RASIP1: variants seen among roughly 807,000 people sequenced by gnomAD.
RASIP1 encodes Ras interacting protein 1, also known as ras-interacting protein 1.
RASIP1 carries 20 observed loss-of-function variants against 85.3 expected under a neutral mutation model. That is an observed-to-expected ratio of 0.23 (90% CI 0.17 to 0.34). The LOEUF is 0.34. RASIP1 is among the 10% of genes least tolerant of loss of function. The pLI is 1.00. For missense variants in RASIP1, 1,170 were observed against 1,390.9 expected (o/e 0.84, Z 2.53); for synonymous variants, 617 against 647.1 (o/e 0.95, Z 0.71).
chr19:48,731,532 C>T (rs1234400614), intron 4 of RASIP1, among the ~76,000 whole-genome samples: 1 of 152,160 alleles, frequency 6.6e-6, no homozygotes, highest in Non-Finnish European at 1.5e-5. Flanking sequence ...AGTGTTCCAT[C>T]TCATTTATCA....
Position 48,735,466 on chromosome 19 carries a change from C to A in RASIP1, c.909G>T (p.Gly303=), listed in dbSNP as rs1292819704. The change falls in exon 4 of 12, where the codon GGG becomes GGT. Residue 303 remains glycine, a synonymous_variant. Coordinates refer to ENST00000222145, the MANE Select transcript of RASIP1 (RefSeq NM_017805.3). ...GGAALASPGP[G]TGSGAPAGSG... Reference sequence around the variant, plus strand: ...ACCCAGCTGGGGCCCCTGATCCGGTCCCCGGGCCAGGACTGGCCAGCGCTG... The same window carrying A: ...ACCCAGCTGGGGCCCCTGATCCGGTACCCGGGCCAGGACTGGCCAGCGCTG... 6.3e-7 allele frequency: 1 copy of A among 1,582,730 alleles called. No individual in the cohort carries two copies. Among genetic ancestry groups the A allele is most frequent in the Non-Finnish European group, 8.6e-7 (1 of 1,164,928 alleles).
chr19:48,727,476 G>T (rs368430008), intron 5 of RASIP1, 46 bp from the exon 6 acceptor site: 1 of 1,589,482 alleles, frequency 6.3e-7, no homozygotes, highest in Non-Finnish European at 8.6e-7. Context: ...GATCCACTGA[G>T]GGGCTTAAGA....
At chr19:48,731,805 C>T (rs957355588) in intron 4 of RASIP1, among the ~76,000 whole-genome samples, 6 of 152,190 alleles carry the variant, frequency 3.9e-5, no homozygotes, top group Non-Finnish European at 8.8e-5. Context: ...TCCAGTCTTA[C>T]CACCTTCTGA....
At chr19:48,727,301 T>C in intron 6 of RASIP1, 92 bp downstream of exon 6, 3 of 1,548,958 alleles carry the variant, frequency 1.9e-6, no homozygotes, top group African/African-American at 1.4e-5. Context: ...AGCAGAAACT[T>C]GCACTGGGGC....
chr19:48,724,357 G>T lies in RASIP1; in HGVS notation c.2524C>A (p.Pro842Thr). The T allele has an allele frequency of 6.2e-7, 1 of 1,614,116 alleles. No homozygotes were observed. Among genetic ancestry groups the T allele is most frequent in the Non-Finnish European group, 8.5e-7 (1 of 1,180,008 alleles). ...LSMAVNLLCV[P>T]RTSLLKASWS... ...GTCACCTTGAGCAGGGAAGTGCGGG[G>T]CACACAGAGCAGGTTCACAGCCATG... Residue 842 changes from proline to threonine, a missense_variant, in exon 10 of 12, where the codon CCC (proline) becomes ACC (threonine). Around this residue, in one of 4 missense-constraint regions of RASIP1, gnomAD observed 426 missense variants for 576.2 expected, o/e 0.74. Coordinates refer to ENST00000222145, the MANE Select transcript of RASIP1 (RefSeq NM_017805.3). This position sits in a 1 kb window ranked among gnomAD's most constrained non-coding sequence, Gnocchi z 4.6.
Position 48,729,351 on chromosome 19 carries a change from C to T in RASIP1, c.1419G>A (p.Pro473=), listed in dbSNP as rs553435937. The change falls in exon 5 of 12, where the codon CCG becomes CCA. Residue 473 remains proline (P), a synonymous_variant. Coordinates refer to ENST00000222145, the MANE Select transcript of RASIP1 (RefSeq NM_017805.3). ...GCTCGCCCAGCCCCAGGAGGTCGCC[C>T]GGGTGCAGCTCAGCCTCCCGCAGCA... ...CLLLREAELH[P]GDLLGLGEHF... is the part of the protein sequence containing the mutation. The T allele has an allele frequency of 3.0e-4, 473 of 1,559,874 alleles. No homozygotes were observed. The highest frequency in any genetic ancestry group is 3.9e-4 in the Non-Finnish European group (450 of 1,152,596).
rs2122421720 is a variant in RASIP1, at chr19:48,724,180, CTTCT to C, written c.2544+153_2544+156del. ...TTTAGTCATTGTTGGTGCTGGCTTC[CTTCT>C]ACCTGCCAATGTGTTACCCACAGTG... On this transcript the variant is annotated intron_variant, in intron 10 of 11. Transcript: ENST00000222145. The surrounding 1 kb of genome is among the most constrained non-coding windows in gnomAD (Gnocchi z 4.6). Among the ~76,000 whole-genome samples, 1 of 152,214 alleles carries C rather than the reference CTTCT, an allele frequency of 6.6e-6. No homozygotes were observed. Among genetic ancestry groups the C allele is most frequent in the South Asian group, 2.1e-4 (1 of 4,828 alleles).
intron 4 of RASIP1, among the ~76,000 whole-genome samples, chr19:48,729,801 G>A (rs541861720): frequency 2.2e-5 from 3 of 133,480 alleles, no homozygotes; most frequent in Non-Finnish European, 4.6e-5. Context: ...TGCAACCTCT[G>A]CCTCCTGAGT....
At chr19:48,730,878 A>C (rs2033444142) in intron 4 of RASIP1, among the ~76,000 whole-genome samples, 1 of 152,160 alleles carries the variant, frequency 6.6e-6, no homozygotes, top group Non-Finnish European at 1.5e-5. Context: ...TTAGCCAGGC[A>C]TGGTGGCGCA....
At position 48,738,851 on chromosome 19, in the gene RASIP1, C is replaced by A; in HGVS notation, c.823+109G>T. 1 of 1,118,002 alleles carries A rather than the reference C, an allele frequency of 8.9e-7. No homozygotes were observed. The highest frequency in any genetic ancestry group is 1.1e-6 in the Non-Finnish European group (1 of 906,896). 69.3% of individuals were successfully genotyped at this position (1,118,002 alleles called of 1,614,324 possible). A position where few individuals can be genotyped will look rare whatever the true frequency, so the allele number is the denominator to read the frequency against. Reference sequence around the variant, plus strand: ...CCCCTCCCAGTCCCCTCCCGCGGGCCCCGCCCCCAGCCAGCCCGCGAGTCC... The same window carrying A: ...CCCCTCCCAGTCCCCTCCCGCGGGCACCGCCCCCAGCCAGCCCGCGAGTCC... On this transcript the variant is annotated intron_variant, in intron 3 of 11. Transcript: ENST00000222145. This position sits in a 1 kb window ranked among gnomAD's most constrained non-coding sequence, Gnocchi z 4.0.
intron 10 of RASIP1, 43 bp from the exon 11 acceptor site, chr19:48,722,044 C>A (rs759507159): frequency 5.9e-6 from 8 of 1,349,834 alleles, no homozygotes; most frequent in African/African-American, 1.5e-5. Context: ...CATTACGGGG[C>A]AGTTAAGAAA....
Position 48,738,881 on chromosome 19 carries a change from A to AC in RASIP1, c.823+78_823+79insG. On this transcript the variant is annotated intron_variant, in intron 3 of 11. Transcript: ENST00000222145. The surrounding 1 kb of genome is among the most constrained non-coding windows in gnomAD (Gnocchi z 4.0). ...CCCCAGCCAGCCCGCGAGTCCCACAAGCCCCGCCCAGGCCCCGCCCCACGG... is the reference window on the plus strand; with the variant it reads ...CCCCAGCCAGCCCGCGAGTCCCACAACGCCCCGCCCAGGCCCCGCCCCACGG... The AC allele has an allele frequency of 1.8e-6, 2 of 1,106,338 alleles. No individual in the cohort carries two copies. The highest frequency in any genetic ancestry group is 2.2e-6 in the Non-Finnish European group (2 of 896,008). The allele number at this position is 1,106,338 out of a possible 1,614,324, so 68.5% of individuals were successfully genotyped here.
rs996989043 is a variant in RASIP1 at position 48,735,141 on chromosome 19, C to T, written c.1179+55G>A. Reference sequence around the variant, plus strand: ...TGGGAGTTGTAGTTTTGTTGCTCACCCACCAACAGATGGGGTATAGGGCTC... The same window carrying T: ...TGGGAGTTGTAGTTTTGTTGCTCACTCACCAACAGATGGGGTATAGGGCTC... On this transcript the variant is annotated intron_variant, in intron 4 of 11. Coordinates refer to ENST00000222145, the MANE Select transcript of RASIP1 (RefSeq NM_017805.3). 9 of 1,479,296 alleles carry T rather than the reference C, an allele frequency of 6.1e-6. No individual in the cohort carries two copies. The African/African-American group carries it at 9.8e-5, about 16-fold the overall frequency. 91.6% of individuals were successfully genotyped at this position (1,479,296 alleles called of 1,614,324 possible). A position where few individuals can be genotyped will look rare whatever the true frequency, so the allele number is the denominator to read the frequency against.
chr19:48,734,096 C>T (rs918754061), intron 4 of RASIP1, among the ~76,000 whole-genome samples: 1 of 151,920 alleles, frequency 6.6e-6, no homozygotes, highest in Non-Finnish European at 1.5e-5. Context: ...GAGATTGAGA[C>T]CATCCTGGCT....
intron 3 of RASIP1, chr19:48,737,772 T>C (rs1009143072): frequency 5.2e-5 from 51 of 983,386 alleles, no homozygotes; most frequent in Non-Finnish European, 5.7e-5. Flanking sequence ...ACCCAACAGT[T>C]TTTGCCCCAG....
At chr19:48,737,785 C>T in intron 3 of RASIP1, 5 of 985,058 alleles carry the variant, frequency 5.1e-6, no homozygotes, top group Non-Finnish European at 6.0e-6. Flanking sequence ...TGCCCCAGAC[C>T]ACGCTTTTCC....
chr19:48,737,269 T>G (rs1255467318), intron 3 of RASIP1, among the ~76,000 whole-genome samples: 11 of 152,122 alleles, frequency 7.2e-5, no homozygotes, highest in Admixed American at 7.2e-4. Flanking sequence ...ACAGAATGGG[T>G]TGGAATTCAA....
chr19:48,734,097 C>A (rs1169310650), intron 4 of RASIP1, among the ~76,000 whole-genome samples: 1 of 151,896 alleles, frequency 6.6e-6, no homozygotes, highest in Non-Finnish European at 1.5e-5. Context: ...AGATTGAGAC[C>A]ATCCTGGCTA....
At position 48,720,794 on chromosome 19, in the gene RASIP1, G is replaced by C. The variant is rs1398561293; in HGVS notation, c.*4C>G. 6 of 1,613,770 alleles carry C rather than the reference G, an allele frequency of 3.7e-6. No individual in the cohort carries two copies. The highest frequency in any genetic ancestry group is 1.3e-5 in the African/African-American group (1 of 74,926). Reference sequence around the variant, plus strand: ...AGGTTCGCGCGCTCGTTTGGTATTGGTTCTCAAGGAGACGTGGCCACGGGA... The same window carrying C: ...AGGTTCGCGCGCTCGTTTGGTATTGCTTCTCAAGGAGACGTGGCCACGGGA... On this transcript the variant is annotated 3_prime_UTR_variant, in exon 12 of 12. Coordinates refer to ENST00000222145, the MANE Select transcript of RASIP1 (RefSeq NM_017805.3).
Sources: gnomAD v4.1 joint callset for allele counts (sites outside exome capture counted in the v4.1 genomes callset) on GRCh38, gnomAD v4.1.1 for gene constraint, gnomAD v4.1.1 regional missense constraint, Gnocchi (gnomAD v3.1) non-coding constraint, MANE v1.5 for transcripts, NCBI Gene and HGNC (gene_info 2026-07-23, HGNC 2026-07-21) for gene names.